The following NRXN1 variants were observed in gnomAD, a reference collection of about 807,000 sequenced individuals.
The protein encoded by NRXN1 is neurexin-1.
Under a neutral mutation model 150.9 loss-of-function variants are expected in NRXN1, and 39 were observed. That is an observed-to-expected ratio of 0.26 (90% CI 0.20 to 0.34). The LOEUF (loss-of-function observed/expected upper bound fraction) is 0.34, where lower values mean the gene tolerates loss of function less well. Ranked by LOEUF, NRXN1 falls within the 10% of genes least tolerant of loss-of-function variation. The probability of loss-of-function intolerance (pLI) is 1.00; values close to 1 mark genes in which losing one functional copy is unlikely to be tolerated. For synonymous variants in NRXN1, 924 were observed against 757.0 expected, an observed-to-expected ratio of 1.22 and a Z score of -3.62; for missense variants, 1,815 against 1,949.9, an observed-to-expected ratio of 0.93 and a Z score of 1.30.
chr2:50,509,740 C>T (rs982701873), intron 12 of NRXN1, among the ~76,000 whole-genome samples: 1 of 152,034 alleles, frequency 6.6e-6, no homozygotes, highest in Non-Finnish European at 1.5e-5. Context: ...ATTTCCTTTC[C>T]TTTGGGGGAT....
intron 2 of NRXN1, among the ~76,000 whole-genome samples, chr2:50,957,524 C>G (rs775259475): frequency 6.6e-6 from 1 of 151,994 alleles, no homozygotes; most frequent in African/African-American, 2.4e-5. Context: ...GCACAGAATG[C>G]CAATAAAGCC....
intron 17 of NRXN1, among the ~76,000 whole-genome samples, chr2:50,284,988 A>G (rs951392762): frequency 2.0e-5 from 3 of 152,180 alleles, no homozygotes; most frequent in African/African-American, 7.2e-5. Context: ...TCTAATATTA[A>G]ACATTGAATT....
intron 18 of NRXN1, among the ~76,000 whole-genome samples, chr2:50,157,115 A>C (rs2059068074): frequency 6.6e-6 from 1 of 151,986 alleles, no homozygotes; most frequent in South Asian, 2.1e-4. Flanking sequence ...CTATGTGCTT[A>C]ATCACTACAT....
chr2:50,385,527 C>T (rs967847712), intron 17 of NRXN1, among the ~76,000 whole-genome samples: 1 of 152,168 alleles, frequency 6.6e-6, no homozygotes, highest in Admixed American at 6.5e-5. Flanking sequence ...ATGTGGCTTA[C>T]ACCTCAAACC....
chr2:49,982,875 A>G (rs1211144569), intron 21 of NRXN1, among the ~76,000 whole-genome samples: 1 of 152,154 alleles, frequency 6.6e-6, no homozygotes, highest in African/African-American at 2.4e-5. Context: ...GTTTTTATAG[A>G]TCTTGAAACA....
intron 5 of NRXN1, among the ~76,000 whole-genome samples, chr2:50,828,315 A>AG (rs70958628): frequency 0.91 from 130,062 of 142,366 alleles, 58,900 homozygotes; most frequent in East Asian, 0.97. Context: ...GCTGGCCGGG[A>AG]GGGGGCTGAA....
At position 50,347,393 on chromosome 2, in the gene NRXN1, T is replaced by A; in HGVS notation, c.3365-110423A>T. 8.5e-7 allele frequency: 1 copy of A among 1,182,966 alleles called. No homozygotes were observed. The highest frequency in any genetic ancestry group is 1.5e-5 in the South Asian group (1 of 65,084). 73.3% of individuals were successfully genotyped at this position (1,182,966 alleles called of 1,614,324 possible). On this transcript the variant is annotated intron_variant, in intron 17 of 22. Coordinates refer to ENST00000401669, the MANE Select transcript of NRXN1 (RefSeq NM_001330078.2). The surrounding 1 kb of genome is among the most constrained non-coding windows in gnomAD (Gnocchi z 4.9). ...AGACATCCACCGCGAATCCACTAGGTAAATCCATTTAGCTTTGTGTGCGGG... is the reference window on the plus strand; with the variant it reads ...AGACATCCACCGCGAATCCACTAGGAAAATCCATTTAGCTTTGTGTGCGGG...
chr2:50,829,746 C>G, intron 5 of NRXN1: 1 of 1,576,854 alleles, frequency 6.3e-7, no homozygotes, highest in South Asian at 1.1e-5. Flanking sequence ...CAAGGTTGCA[C>G]GGCATGGCCC....
At chr2:50,277,517 T>TC (rs2070715016) in intron 17 of NRXN1, among the ~76,000 whole-genome samples, 1 of 94,010 alleles carries the variant, frequency 1.1e-5, no homozygotes, top group African/African-American at 4.0e-5. Flanking sequence ...CTTCCTTCCT[T>TC]TTTCCTTCCT....
At chr2:49,980,931 A>G (rs1320873153) in intron 21 of NRXN1, among the ~76,000 whole-genome samples, 1 of 152,104 alleles carries the variant, frequency 6.6e-6, no homozygotes, top group African/African-American at 2.4e-5. Flanking sequence ...TTCCCAGAGA[A>G]AAGTCCTCAG....
At chr2:50,652,513 G>A (rs1685791278) in intron 5 of NRXN1, among the ~76,000 whole-genome samples, 1 of 151,986 alleles carries the variant, frequency 6.6e-6, no homozygotes. Flanking sequence ...CGTTTCTGAG[G>A]CTCCATGTAG....
intron 21 of NRXN1, among the ~76,000 whole-genome samples, chr2:50,047,261 C>T (rs1192475426): frequency 1.3e-5 from 2 of 151,928 alleles, no homozygotes; most frequent in African/African-American, 2.4e-5. Context: ...CAATTTCCTC[C>T]TTTTTGAGGA....
At position 50,055,006 on chromosome 2, in the gene NRXN1, G is replaced by A. The variant is rs1201575289; in HGVS notation, c.3757C>T (p.Arg1253Ter). The A allele has an allele frequency of 1.2e-6, 2 of 1,600,288 alleles. No homozygotes were observed. Among genetic ancestry groups the A allele is most frequent in the Admixed American group, 1.7e-5 (1 of 57,852 alleles). ...DNERLAIARQ[R>*]IPYRLGRVVD... ...ACTCGACCAAGTCGATATGGAATTC[G>A]CTGTCTAGCAATCGCCAGGCGCTCG... The change falls in exon 20 of 23, where the codon CGA becomes TGA. Residue 1253 changes from arginine (R) to a stop codon, truncating the protein, a stop_gained. Transcript: ENST00000401669. LOFTEE classifies it high-confidence loss of function.
chr2:50,152,591 CTTGGTTCACAGTTTTGTTTTGCTTTATT>C (rs1450068901), intron 18 of NRXN1, among the ~76,000 whole-genome samples: 7 of 151,744 alleles, frequency 4.6e-5, no homozygotes, highest in African/African-American at 9.7e-5. Context: ...ATATAGGATT[CTTGGTTCACAGTTTTGTTTTGCTTTATT>C]TTTTTATTTT....
chr2:50,730,751 C>G (rs1302822825), intron 5 of NRXN1, among the ~76,000 whole-genome samples: 12 of 145,038 alleles, frequency 8.3e-5, no homozygotes, highest in Admixed American at 5.0e-4. Flanking sequence ...GGGCTAACTG[C>G]AAGCTCCGCC....
chr2:50,572,456 G>C (rs1670800420), intron 8 of NRXN1, among the ~76,000 whole-genome samples: 1 of 152,026 alleles, frequency 6.6e-6, no homozygotes, highest in African/African-American at 2.4e-5. Context: ...GACTTATTTA[G>C]CCCATCTAAT....
At chr2:50,998,690 G>A (rs1327379553) in intron 2 of NRXN1, among the ~76,000 whole-genome samples, 1 of 151,962 alleles carries the variant, frequency 6.6e-6, no homozygotes, top group African/African-American at 2.4e-5. Flanking sequence ...TAAATCTACA[G>A]TAAAATGGTA....
chr2:50,921,276 C>T (rs1364365956), intron 5 of NRXN1, among the ~76,000 whole-genome samples: 1 of 151,738 alleles, frequency 6.6e-6, no homozygotes, highest in Non-Finnish European at 1.5e-5. Context: ...ACTTACCAAG[C>T]AATGCGGGAA....
In NRXN1 at chr2:50,091,492, G is replaced by A. The variant is rs763918932; in HGVS notation, c.3549C>T (p.His1183=). 2 of 1,614,022 alleles carry A rather than the reference G, an allele frequency of 1.2e-6. No homozygotes were observed. The highest frequency in any genetic ancestry group is 1.7e-5 in the Admixed American group (1 of 59,978). ...TAAACTTAACTCCAATTTTTCCCTG[G>A]TGCTGTAAGAGAGGAGGGGAAAAAA... is the stretch of plus-strand genomic sequence containing the variant. ...GLGDYLELHI[H]QGKIGVKFNV... The change falls in exon 19 of 23, where the codon CAC becomes CAT. Residue 1183 remains histidine, a splice_region_variant and synonymous_variant. Coordinates refer to ENST00000401669, the MANE Select transcript of NRXN1 (RefSeq NM_001330078.2).
Sources: gnomAD v4.1 joint callset for allele counts (sites outside exome capture counted in the v4.1 genomes callset) on GRCh38, gnomAD v4.1.1 for gene constraint, Gnocchi (gnomAD v3.1) non-coding constraint, MANE v1.5 for transcripts, NCBI Gene and HGNC (gene_info 2026-07-23, HGNC 2026-07-21) for gene names.